EPHA6: variants seen among roughly 807,000 people sequenced by gnomAD.
EPHA6 encodes the protein ephrin type-A receptor 6.
Under a neutral mutation model 112.0 loss-of-function variants are expected in EPHA6, and 50 were observed. The observed-to-expected ratio is 0.45, with a 90% confidence interval of 0.36 to 0.56. The LOEUF is 0.56. EPHA6 is among the 20% of genes least tolerant of loss of function. EPHA6 has a pLI of 0.00. For synonymous variants in EPHA6, 529 were observed against 490.7 expected, an observed-to-expected ratio of 1.08 and a Z score of -1.03; for missense variants, 1,280 against 1,417.4, an observed-to-expected ratio of 0.90 and a Z score of 1.56.
intron 10 of EPHA6, among the ~76,000 whole-genome samples, chr3:97,507,093 C>A (rs1442078020): frequency 6.6e-6 from 1 of 152,116 alleles, no homozygotes; most frequent in African/African-American, 2.4e-5. Context: ...TCTAAATATA[C>A]AATCATGTCA....
chr3:96,923,866 A>G (rs1413780500), intron 2 of EPHA6, among the ~76,000 whole-genome samples: 3 of 151,946 alleles, frequency 2.0e-5, no homozygotes, highest in African/African-American at 2.4e-5. Context: ...AGTTCCCCCA[A>G]TACCATTTAT....
chr3:96,910,827 C>T (rs2039180110), intron 2 of EPHA6, among the ~76,000 whole-genome samples: 1 of 151,950 alleles, frequency 6.6e-6, no homozygotes, highest in Admixed American at 6.6e-5. Flanking sequence ...TATGTTTCCC[C>T]ATAACAGTGT....
rs56119346 is a variant in EPHA6 at position 97,061,832 on chromosome 3, A to G, written c.1114+73839A>G. On this transcript the variant is annotated intron_variant, in intron 3 of 17. Transcript: ENST00000389672. ...ATAGTATGTGCTATTATACTATAGTATGTCCTGGGTGCTGGAAATACAGAC... is the reference window on the plus strand; with the variant it reads ...ATAGTATGTGCTATTATACTATAGTGTGTCCTGGGTGCTGGAAATACAGAC... Among the ~76,000 whole-genome samples, 1,251 of 152,300 alleles carry G rather than the reference A, an allele frequency of 8.2e-3. 18 individuals carry two copies. Among genetic ancestry groups the G allele is most frequent in the African/African-American group, 0.022 (933 of 41,554 alleles).
intron 5 of EPHA6, among the ~76,000 whole-genome samples, chr3:97,387,143 G>A (rs1352061358): frequency 6.6e-6 from 1 of 152,172 alleles, no homozygotes; most frequent in Non-Finnish European, 1.5e-5. Context: ...AAATGCCTTG[G>A]AGGCATTTTC....
intron 3 of EPHA6, among the ~76,000 whole-genome samples, chr3:97,051,075 A>G (rs772161144): frequency 6.6e-6 from 1 of 152,192 alleles, no homozygotes; most frequent in Non-Finnish European, 1.5e-5. Context: ...AATATTTTAG[A>G]CAGGCTTGTC....
At chr3:97,307,850 A>G (rs1657332626) in intron 5 of EPHA6, among the ~76,000 whole-genome samples, 1 of 151,690 alleles carries the variant, frequency 6.6e-6, no homozygotes, top group African/African-American at 2.4e-5. Flanking sequence ...TACATTTCAA[A>G]CTATCTCTCT....
intron 2 of EPHA6, among the ~76,000 whole-genome samples, chr3:96,936,743 A>C (rs2040607088): frequency 6.6e-6 from 1 of 152,090 alleles, no homozygotes; most frequent in Non-Finnish European, 1.5e-5. Flanking sequence ...ATATCTCCTA[A>C]TGCTATCCCT....
intron 2 of EPHA6, among the ~76,000 whole-genome samples, chr3:96,953,094 G>GT (rs893282847): frequency 6.6e-6 from 1 of 151,980 alleles, no homozygotes; most frequent in African/African-American, 2.4e-5. Context: ...GATTTCCTGG[G>GT]TTTTTTATAG....
chr3:97,516,677 CTTCTT>C (rs1259020296), intron 10 of EPHA6, among the ~76,000 whole-genome samples: 3 of 152,168 alleles, frequency 2.0e-5, no homozygotes, highest in African/African-American at 7.2e-5. Context: ...CTCTATGTCT[CTTCTT>C]TTATAACTCC....
chr3:97,119,899 A>C (rs1431525067), intron 3 of EPHA6, among the ~76,000 whole-genome samples: 3 of 151,992 alleles, frequency 2.0e-5, no homozygotes, highest in Non-Finnish European at 4.4e-5. Context: ...ATCAGTATAA[A>C]CCCAGTTTTA....
In EPHA6 at chr3:97,325,740, T is replaced by C. The variant is rs182647110; in HGVS notation, c.1607-79410T>C. ...CTTTTGTTAACGAATACCTCCTTTT[T>C]CTTATAATCTAAAATAATTTGAAAT... On this transcript the variant is annotated intron_variant, in intron 5 of 17. Coordinates refer to ENST00000389672, the MANE Select transcript of EPHA6 (RefSeq NM_001080448.3). Among the ~76,000 whole-genome samples the C allele has an allele frequency of 2.5e-3, 385 of 152,274 alleles. 4 individuals carry two copies. The highest frequency in any genetic ancestry group is 8.8e-3 in the African/African-American group (365 of 41,570).
intron 3 of EPHA6, among the ~76,000 whole-genome samples, chr3:97,033,149 G>A (rs888439820): frequency 6.6e-6 from 1 of 151,998 alleles, no homozygotes; most frequent in Non-Finnish European, 1.5e-5. Flanking sequence ...GGCTGCTGGA[G>A]ACTCGGTACT....
Position 97,476,446 on chromosome 3 carries a change from C to A in EPHA6, c.2003+986C>A, listed in dbSNP as rs930375134. The stretch of plus-strand genomic sequence containing the variant: ...CCAACCCTGCCAGAAAACATTGGTA[C>A]GTCAGAAAGAGCAGAAATAATAAAC... On this transcript the variant is annotated intron_variant, in intron 8 of 17. Coordinates refer to ENST00000389672, the MANE Select transcript of EPHA6 (RefSeq NM_001080448.3). Among the ~76,000 whole-genome samples the A allele has an allele frequency of 2.6e-5, 4 of 152,152 alleles. No homozygotes were observed. The East Asian group carries it at 7.7e-4, about 29-fold the overall frequency.
At chr3:97,641,682 C>T (rs574444219) in intron 14 of EPHA6, among the ~76,000 whole-genome samples, 35 of 152,270 alleles carry the variant, frequency 2.3e-4, no homozygotes, top group African/African-American at 7.2e-4. Flanking sequence ...GGGTGACGGA[C>T]GCACCTGGAA....
At chr3:96,882,901 A>G (rs2037409533) in intron 2 of EPHA6, among the ~76,000 whole-genome samples, 1 of 152,090 alleles carries the variant, frequency 6.6e-6, no homozygotes, top group Non-Finnish European at 1.5e-5. Flanking sequence ...GTGTGCGAGT[A>G]TGTTTTTTGA....
intron 14 of EPHA6, among the ~76,000 whole-genome samples, chr3:97,706,356 A>C (rs1026905544): frequency 3.3e-5 from 5 of 152,186 alleles, no homozygotes; most frequent in Non-Finnish European, 5.9e-5. Flanking sequence ...AATCAAACCA[A>C]ATTTTGTATA....
chr3:97,053,474 A>G (rs2045752175), intron 3 of EPHA6, among the ~76,000 whole-genome samples: 1 of 152,108 alleles, frequency 6.6e-6, no homozygotes, highest in Non-Finnish European at 1.5e-5. Flanking sequence ...AAAAATGATT[A>G]CTAAATTAAC....
At chr3:97,378,051 C>T (rs550677623) in intron 5 of EPHA6, among the ~76,000 whole-genome samples, 3 of 152,314 alleles carry the variant, frequency 2.0e-5, no homozygotes, top group East Asian at 3.9e-4. Context: ...TGTCAGAGAC[C>T]TTTGCAGCAG....
intron 2 of EPHA6, among the ~76,000 whole-genome samples, chr3:96,930,323 G>C (rs981617832): frequency 1.3e-5 from 2 of 152,134 alleles, no homozygotes; most frequent in African/African-American, 4.8e-5. Context: ...TACTATTTTT[G>C]TGTTGATTTT....
Sources: gnomAD v4.1 joint callset for allele counts (sites outside exome capture counted in the v4.1 genomes callset) on GRCh38, gnomAD v4.1.1 for gene constraint, MANE v1.5 for transcripts, NCBI Gene and HGNC (gene_info 2026-07-23, HGNC 2026-07-21) for gene names.